RBL1: variants seen among roughly 807,000 people sequenced by gnomAD.
RBL1 encodes RB transcriptional corepressor like 1.
In RBL1, 82 loss-of-function variants were observed where a neutral mutation model predicts 123.0. The ratio of observed to expected loss-of-function variants is 0.67; its 90% CI spans 0.56 to 0.80. The LOEUF (loss-of-function observed/expected upper bound fraction) is 0.80, where lower values mean the gene tolerates loss of function less well. Ranked by LOEUF, RBL1 falls within the 30% of genes least tolerant of loss-of-function variation. RBL1 has a pLI of 0.00. For missense variants in RBL1, 1,171 were observed against 1,299.6 expected, an observed-to-expected ratio of 0.90 and a Z score of 1.52; for synonymous variants, 405 against 441.3, an observed-to-expected ratio of 0.92 and a Z score of 1.03.
rs1221922136 is a variant in RBL1, at chr20:37,089,208, T to C, written c.157-86A>G. 3.8e-6 allele frequency: 5 copies of C among 1,318,446 alleles called. No homozygotes were observed. In the Admixed American group the frequency reaches 1.2e-4, roughly 32 times the overall value. 81.7% of individuals were successfully genotyped at this position (1,318,446 alleles called of 1,614,324 possible). ...TAGAAACAAGAGATGTAGAATTATC[T>C]GGTCTCAATTTTCCTTATGTAGATA... On this transcript the variant is annotated intron_variant, in intron 1 of 21. Transcript: ENST00000373664.
In RBL1 at chr20:37,005,212, G is replaced by A. The variant is rs143688666; in HGVS notation, c.2872-1346C>T. ...TCATGAGGTCAGGAGTTCAAGACCA[G>A]CCTGGCCAAGATGGTGAAACTCTGT... is the stretch of plus-strand genomic sequence containing the variant. On this transcript the variant is annotated intron_variant, in intron 20 of 21. Coordinates refer to ENST00000373664, the MANE Select transcript of RBL1 (RefSeq NM_002895.5). 2.9e-3 allele frequency among the ~76,000 whole-genome samples: 445 copies of A among 152,138 alleles called. 3 individuals carry two copies. The highest frequency in any genetic ancestry group is 0.01 in the African/African-American group (433 of 41,508).
chr20:37,036,337 G>GTATGATCT (rs1316308161), intron 14 of RBL1, among the ~76,000 whole-genome samples: 1 of 152,166 alleles, frequency 6.6e-6, no homozygotes. Context: ...GAGTGCAGTG[G>GTATGATCT]CACGATTTTG....
intron 3 of RBL1, 56 bp downstream of exon 3, chr20:37,067,930 T>C: frequency 2.6e-6 from 4 of 1,546,648 alleles, no homozygotes; most frequent in Non-Finnish European, 3.5e-6. Context: ...AAAAAGTATA[T>C]TCTCTTAGTT....
intron 20 of RBL1, among the ~76,000 whole-genome samples, chr20:37,004,912 G>A (rs913914806): frequency 1.3e-5 from 2 of 151,446 alleles, no homozygotes; most frequent in Non-Finnish European, 1.5e-5. Flanking sequence ...GTGTGGTGGC[G>A]TGCGCCTATA....
chr20:37,057,043 ACCTACCT>A (rs2065023761), intron 9 of RBL1, among the ~76,000 whole-genome samples: 1 of 151,174 alleles, frequency 6.6e-6, no homozygotes, highest in Non-Finnish European at 1.5e-5. Context: ...CTACCTACCT[ACCTACCT>A]ATCTACCTAT....
Position 37,003,718 on chromosome 20 carries a change from T to C in RBL1, c.3020A>G (p.Asn1007Ser), listed in dbSNP as rs1257357551. The part of the protein sequence containing the change: ...TPRSALLYKF[N>S]GSPSKSLKDI... ...TCACCTTACCTTAGAAGGGCTGCCA[T>C]TGAACTTGTACAGCAGAGCGCTTCT... The change falls in exon 21 of 22, where the codon AAT (asparagine) becomes AGT (serine). Residue 1007 changes from asparagine (N) to serine (S), a missense_variant. Transcript: ENST00000373664. The C allele has an allele frequency of 4.3e-6, 7 of 1,610,844 alleles. No homozygotes were observed. The highest frequency in any genetic ancestry group is 1.6e-4 in the Middle Eastern group (1 of 6,074).
intron 16 of RBL1, among the ~76,000 whole-genome samples, chr20:37,025,746 G>GTTT (rs113216175): frequency 1.4e-5 from 2 of 140,550 alleles, no homozygotes; most frequent in Admixed American, 7.2e-5. Flanking sequence ...AGGGACCTGG[G>GTTT]TTTTTTTTTT....
Position 37,061,105 on chromosome 20 carries a change from A to G in RBL1, c.1248T>C (p.Phe416=), listed in dbSNP as rs2065086008. Residue 416 remains phenylalanine (F), a splice_region_variant and synonymous_variant, in exon 9 of 22, where the codon TTT becomes TTC. Transcript: ENST00000373664. ...AAAAATAACAGTATTGTACATACTC[A>G]AAAATATTTATAAGTTGGTCACTTG... ...NAPSDQLINI[F]ESCVRNPVEN... 3 of 1,602,568 alleles carry G rather than the reference A, an allele frequency of 1.9e-6. No individual in the cohort carries two copies. Among genetic ancestry groups the G allele is most frequent in the Non-Finnish European group, 2.6e-6 (3 of 1,173,984 alleles).
rs774392332 is a variant in RBL1, at chr20:37,066,830, C to G, written c.740G>C (p.Cys247Ser). 21 of 1,613,212 alleles carry G rather than the reference C, an allele frequency of 1.3e-5. No homozygotes were observed. The South Asian group carries it at 2.2e-4, about 17-fold the overall frequency. Residue 247 changes from cysteine (C) to serine (S), a missense_variant, in exon 6 of 22, where the codon TGC becomes TCC. By Grantham distance (112) the Cys-to-Ser change is moderately radical (BLOSUM62 -1). Transcript: ENST00000373664. Reference protein sequence around the residue: ...ADFTASEEPPCIIAVLCELHD... With the variant: ...ADFTASEEPPSIIAVLCELHD... ...CAGTTCACACAGTACAGCAATGATG[C>G]AGGGTGGCTCTTCAGAAGCCGTAAA...
At chr20:37,003,536 C>G in intron 21 of RBL1, 166 bp downstream of exon 21, 6 of 1,213,050 alleles carry the variant, frequency 4.9e-6, no homozygotes. Context: ...TAAACTACCT[C>G]AAACTGAATA....
At chr20:37,051,463 A>T (rs565515263) in intron 11 of RBL1, among the ~76,000 whole-genome samples, 1 of 152,252 alleles carries the variant, frequency 6.6e-6, no homozygotes, top group East Asian at 1.9e-4. Flanking sequence ...TTACAGGGGT[A>T]AGCCACAGCA....
At position 37,020,813 on chromosome 20, in the gene RBL1, C is replaced by G. The variant is rs547326229; in HGVS notation, c.2560-83G>C. 4 of 841,332 alleles carry G rather than the reference C, an allele frequency of 4.8e-6. 1 individual carries two copies. The Admixed American group carries it at 8.0e-5, about 17-fold the overall frequency. 52.1% of individuals were successfully genotyped at this position (841,332 alleles called of 1,614,324 possible). On this transcript the variant is annotated intron_variant, in intron 17 of 21. Transcript: ENST00000373664. ...ACAAAACTTCAATTATAAGTTGGCA[C>G]TGAGAGCAACCTTGCAGAAAACCAT...
chr20:37,019,106 C>T (rs2064301840), intron 18 of RBL1, among the ~76,000 whole-genome samples: 2 of 151,386 alleles, frequency 1.3e-5, no homozygotes, highest in South Asian at 4.2e-4. Context: ...TGCAGTGGCA[C>T]AATCATGGCT....
intron 7 of RBL1, among the ~76,000 whole-genome samples, chr20:37,065,059 G>A (rs983890035): frequency 1.3e-5 from 2 of 151,024 alleles, no homozygotes; most frequent in African/African-American, 4.9e-5. Flanking sequence ...AACCTCCCAA[G>A]TAGCTGGGAC....
rs368384666 is a variant in RBL1 at position 36,998,838 on chromosome 20, G to A, written c.3128C>T (p.Ala1043Val). ...IAIDSDAESP[A>V]KRVCQENDDV... Reference sequence around the variant, plus strand: ...ATCATTTTCTTGACAGACGCGTTTGGCAGGGGATTCTGCATCACTATCGAT... The same window carrying A: ...ATCATTTTCTTGACAGACGCGTTTGACAGGGGATTCTGCATCACTATCGAT... Residue 1043 changes from alanine (A) to valine (V), a missense_variant, in exon 22 of 22, where the codon GCC becomes GTC. Ala to Val is a moderately conservative substitution (Grantham distance 64). Coordinates refer to ENST00000373664, the MANE Select transcript of RBL1 (RefSeq NM_002895.5). The A allele has an allele frequency of 4.5e-5, 73 of 1,613,270 alleles. No individual in the cohort carries two copies. In the South Asian group the frequency reaches 6.2e-4, roughly 14 times the overall value.
intron 16 of RBL1, among the ~76,000 whole-genome samples, chr20:37,025,751 T>G (rs2064409016): frequency 6.6e-6 from 1 of 151,590 alleles, no homozygotes; most frequent in Non-Finnish European, 1.5e-5. Context: ...CCTGGGTTTT[T>G]TTTTTTTTTG....
chr20:37,021,779 G>A, intron 17 of RBL1: 1 of 196,102 alleles, frequency 5.1e-6, no homozygotes, highest in Admixed American at 4.6e-5. Flanking sequence ...TCATCATTCT[G>A]CAAATCAGCA....
intron 18 of RBL1, 145 bp from the exon 19 acceptor site, chr20:37,018,514 T>G: frequency 7.8e-6 from 9 of 1,153,028 alleles, no homozygotes; most frequent in Non-Finnish European, 9.3e-6. Context: ...TTATTAGCTC[T>G]AGTAAGTATA....
chr20:37,036,776 C>T (rs1381751537), intron 14 of RBL1, among the ~76,000 whole-genome samples: 1 of 151,966 alleles, frequency 6.6e-6, no homozygotes, highest in Non-Finnish European at 1.5e-5. Flanking sequence ...CAGGCAACCG[C>T]CACCATGCCC....
Sources: allele counts gnomAD v4.1 joint callset (sites outside exome capture counted in the v4.1 genomes callset), GRCh38; gene constraint gnomAD v4.1.1; transcripts MANE v1.5; gene names NCBI Gene and HGNC (gene_info 2026-07-23, HGNC 2026-07-21).